Variants in MGMT observed in about 807,000 individuals in gnomAD.
MGMT encodes O-6-methylguanine-DNA methyltransferase.
MGMT carries 14 observed loss-of-function variants against 15.9 expected under a neutral mutation model. That is an observed-to-expected ratio of 0.88 (90% confidence interval 0.58 to 1.37). The LOEUF is 1.37. Among genes scored for constraint, MGMT ranks in the 40% most tolerant of loss-of-function variants. The probability of loss-of-function intolerance (pLI) is 0.00; values close to 1 mark genes in which losing one functional copy is unlikely to be tolerated. For synonymous variants in MGMT, 130 were observed against 118.2 expected, an observed-to-expected ratio of 1.10 and a Z score of -0.65; for missense variants, 282 against 268.1, an observed-to-expected ratio of 1.05 and a Z score of -0.36.
intron 2 of MGMT, among the ~76,000 whole-genome samples, chr10:129,689,042 A>G (rs1039281418): frequency 6.6e-6 from 1 of 151,960 alleles, no homozygotes; most frequent in Non-Finnish European, 1.5e-5. Context: ...GCTCACTGCA[A>G]CCTCAGCCTC....
intron 1 of MGMT, among the ~76,000 whole-genome samples, chr10:129,516,072 C>T (rs1339316782): frequency 1.3e-5 from 2 of 152,162 alleles, no homozygotes; most frequent in African/African-American, 4.8e-5. Flanking sequence ...CCAGCTTAAA[C>T]GTCCAAGGAA....
At chr10:129,665,246 AC>A (rs1201286312) in intron 2 of MGMT, among the ~76,000 whole-genome samples, 1 of 79,878 alleles carries the variant, frequency 1.3e-5, no homozygotes, top group Admixed American at 1.5e-4. Flanking sequence ...CAACTCACTT[AC>A]CCCCACACCC....
intron 3 of MGMT, among the ~76,000 whole-genome samples, chr10:129,710,291 G>A (rs1848216900): frequency 6.6e-6 from 1 of 152,212 alleles, no homozygotes; most frequent in Non-Finnish European, 1.5e-5. Context: ...TAGCTGGGAC[G>A]AGGTCCACTC....
At chr10:129,597,775 G>A (rs141185346) in intron 2 of MGMT, among the ~76,000 whole-genome samples, 4,808 of 152,244 alleles carry the variant, frequency 0.032, 119 homozygotes, top group South Asian at 0.066. Context: ...CACAGGCCTT[G>A]GAAAGTGTGA....
intron 1 of MGMT, among the ~76,000 whole-genome samples, chr10:129,523,384 T>G (rs1461259043): frequency 6.8e-6 from 1 of 147,058 alleles, no homozygotes; most frequent in Non-Finnish European, 1.5e-5. Context: ...AACATGGTGT[T>G]CTCTCATTGT....
chr10:129,738,508 C>T (rs1848592940), intron 3 of MGMT, among the ~76,000 whole-genome samples: 2 of 152,224 alleles, frequency 1.3e-5, no homozygotes. Context: ...CAGAAATCAC[C>T]CATCTTCTGC....
intron 2 of MGMT, among the ~76,000 whole-genome samples, chr10:129,579,262 G>A (rs934407587): frequency 1.3e-5 from 2 of 152,210 alleles, no homozygotes; most frequent in South Asian, 4.1e-4. Context: ...AAACAGATGA[G>A]TACCTGCTCA....
chr10:129,701,813 C>G (rs1480775775), intron 2 of MGMT: 2 of 152,184 alleles, frequency 1.3e-5, no homozygotes, highest in African/African-American at 4.8e-5. Context: ...CCTTAAATTT[C>G]TCTCATCACC....
At chr10:129,541,789 C>T (rs1010985243) in intron 2 of MGMT, among the ~76,000 whole-genome samples, 4 of 152,196 alleles carry the variant, frequency 2.6e-5, no homozygotes, top group Admixed American at 1.3e-4. Flanking sequence ...GTGGGGACTA[C>T]ACACAGACTG....
At chr10:129,625,254 A>G (rs1342963227) in intron 2 of MGMT, among the ~76,000 whole-genome samples, 1 of 152,236 alleles carries the variant, frequency 6.6e-6, no homozygotes, top group Non-Finnish European at 1.5e-5. Context: ...CTAGGCCCAT[A>G]CAGCTTCACT....
chr10:129,483,996 G>A (rs998792151), intron 1 of MGMT, among the ~76,000 whole-genome samples: 4 of 152,052 alleles, frequency 2.6e-5, no homozygotes, highest in African/African-American at 9.7e-5. Context: ...GAAATCTTAT[G>A]TATTATTTTA....
chr10:129,744,630 C>T (rs969264419), intron 3 of MGMT, among the ~76,000 whole-genome samples: 1 of 152,250 alleles, frequency 6.6e-6, no homozygotes, highest in African/African-American at 2.4e-5. Flanking sequence ...GCCACACAGG[C>T]CCTATGGCTT....
At chr10:129,729,468 C>T (rs1848472318) in intron 3 of MGMT, among the ~76,000 whole-genome samples, 2 of 152,286 alleles carry the variant, frequency 1.3e-5, no homozygotes, top group South Asian at 2.1e-4. Context: ...CTCTCGTCCT[C>T]ATTTGAATAG....
chr10:129,701,641 C>T (rs1024235958), intron 2 of MGMT: 2 of 152,088 alleles, frequency 1.3e-5, no homozygotes, highest in African/African-American at 2.4e-5. Context: ...GCCTGGTAGC[C>T]GTGGTACCAG....
At position 129,756,827 on chromosome 10, in the gene MGMT, G is replaced by A. The variant is rs78357773; in HGVS notation, c.275-2375G>A. The stretch of plus-strand genomic sequence containing the variant: ...GCCACCTGAAGTGATTGTTCCAGCT[G>A]CTGAGGACTGATGTGGTCACCTCAA... On this transcript the variant is annotated intron_variant, in intron 3 of 4. Coordinates refer to ENST00000651593, the MANE Select transcript of MGMT (RefSeq NM_002412.5). 9.3e-3 allele frequency among the ~76,000 whole-genome samples: 1,410 copies of A among 152,354 alleles called. 20 individuals are homozygous for A. The highest frequency in any genetic ancestry group is 0.031 in the African/African-American group (1,303 of 41,588).
chr10:129,640,951 T>A (rs962449614), intron 2 of MGMT, among the ~76,000 whole-genome samples: 3 of 152,210 alleles, frequency 2.0e-5, no homozygotes, highest in African/African-American at 7.2e-5. Context: ...AAAGATTGAA[T>A]GTTTTCCTCC....
chr10:129,478,796 T>G (rs1469899043), intron 1 of MGMT, among the ~76,000 whole-genome samples: 1 of 152,214 alleles, frequency 6.6e-6, no homozygotes, highest in Admixed American at 6.5e-5. Flanking sequence ...GAGTCCTGGC[T>G]TGGGGAATGT....
chr10:129,544,699 G>T (rs763510999), intron 2 of MGMT, among the ~76,000 whole-genome samples: 10 of 152,258 alleles, frequency 6.6e-5, no homozygotes, highest in African/African-American at 1.7e-4. Context: ...CTGTGTCTGC[G>T]CTGGGCTTGC....
intron 2 of MGMT, among the ~76,000 whole-genome samples, chr10:129,576,576 A>G (rs1846485470): frequency 6.6e-6 from 1 of 152,200 alleles, no homozygotes; most frequent in Admixed American, 6.5e-5. Context: ...CACAGCCAAT[A>G]TCATACTGAA....
Sources: allele counts gnomAD v4.1 joint callset (sites outside exome capture counted in the v4.1 genomes callset), GRCh38; gene constraint gnomAD v4.1.1; transcripts MANE v1.5; gene names NCBI Gene and HGNC (gene_info 2026-07-23, HGNC 2026-07-21).